The following MYH15 variants were observed in gnomAD, a reference collection of about 807,000 sequenced individuals.
The protein encoded by MYH15 is myosin-15.
A neutral mutation model predicts 240.5 loss-of-function variants in MYH15; 227 were observed. That is an observed-to-expected ratio of 0.94 (90% CI 0.85 to 1.05). The LOEUF is 1.05. Ranked by LOEUF, MYH15 falls within the 50% of genes least tolerant of loss-of-function variation. MYH15 has a pLI of 0.00. For synonymous variants in MYH15, 785 were observed against 796.7 expected (o/e 0.99, Z 0.25); for missense variants, 2,217 against 2,247.5 (o/e 0.99, Z 0.27).
chr3:108,396,988 G>A (rs2082466777), intron 35 of MYH15, among the ~76,000 whole-genome samples: 1 of 152,180 alleles, frequency 6.6e-6, no homozygotes, highest in East Asian at 1.9e-4. Context: ...CTAAATGCCA[G>A]TGGTATTTCC....
chr3:108,541,747 A>T, the MYH15 span, among the ~76,000 whole-genome samples: 1 of 152,046 alleles, frequency 6.6e-6, no homozygotes, highest in Non-Finnish European at 1.5e-5. Context: ...AAGATGAAAA[A>T]ACAATGTGTT....
chr3:108,403,225 T>C (rs1229353284), intron 33 of MYH15, among the ~76,000 whole-genome samples: 1 of 152,222 alleles, frequency 6.6e-6, no homozygotes, highest in African/African-American at 2.4e-5. Context: ...GTGGAAGACA[T>C]GGCTTGGCAG....
chr3:108,390,065 A>G (rs1396293021), intron 37 of MYH15, among the ~76,000 whole-genome samples: 2 of 152,158 alleles, frequency 1.3e-5, no homozygotes, highest in Admixed American at 1.3e-4. Flanking sequence ...GACACCTGCT[A>G]TATAGGAACC....
At chr3:108,384,402 C>T (rs1166326894) in intron 39 of MYH15, among the ~76,000 whole-genome samples, 2 of 152,134 alleles carry the variant, frequency 1.3e-5, no homozygotes, top group African/African-American at 4.8e-5. Flanking sequence ...AACTGGCCTT[C>T]CCTACGTGAC....
At chr3:108,464,083 C>T (rs1034301336) in intron 15 of MYH15, among the ~76,000 whole-genome samples, 7 of 152,012 alleles carry the variant, frequency 4.6e-5, no homozygotes, top group South Asian at 2.1e-4. Flanking sequence ...ATTTTTAGGT[C>T]GAAGTATTAT....
At chr3:108,440,305 G>C (rs900340466) in intron 23 of MYH15, among the ~76,000 whole-genome samples, 3 of 152,098 alleles carry the variant, frequency 2.0e-5, no homozygotes, top group Non-Finnish European at 4.4e-5. Context: ...ATTGTGTTGT[G>C]CCTCAGTATC....
At chr3:108,473,635 C>A (rs2083195518) in intron 12 of MYH15, among the ~76,000 whole-genome samples, 1 of 152,118 alleles carries the variant, frequency 6.6e-6, no homozygotes, top group African/African-American at 2.4e-5. Context: ...ATGAGATAAT[C>A]CATACAAAGC....
At chr3:108,384,836 G>A (rs1398490780) in intron 38 of MYH15, 54 bp from the exon 39 acceptor site, 21 of 1,478,228 alleles carry the variant, frequency 1.4e-5, no homozygotes, top group South Asian at 2.3e-5. Flanking sequence ...AGCAGTCTAC[G>A]TTGGTGTAGT....
chr3:108,427,606 CACACACACACA>C (rs1284317639), intron 27 of MYH15, among the ~76,000 whole-genome samples: 3 of 99,790 alleles, frequency 3.0e-5, no homozygotes, highest in African/African-American at 1.2e-4. Context: ...AAGACACACA[CACACACACACA>C]ACACACACAC....
chr3:108,398,797 T>A lies in MYH15; in HGVS notation c.4973A>T (p.Asp1658Val). The change falls in exon 35 of 41, where the codon GAT becomes GTT. Residue 1658 changes from aspartate to valine, a missense_variant. Asp to Val is a radical substitution (Grantham distance 152, BLOSUM62 -3). Transcript: ENST00000693548. ...QLDDSTQLNSDLKEQVAVAER... is the reference protein window; with the variant it reads ...QLDDSTQLNSVLKEQVAVAER... ...AGCCACAGCCACCTGCTCCTTCAGATCACTGTTCAGTTGTGTGCTGTCATC... is the reference window on the plus strand; with the variant it reads ...AGCCACAGCCACCTGCTCCTTCAGAACACTGTTCAGTTGTGTGCTGTCATC... 1.2e-6 allele frequency: 2 copies of A among 1,614,232 alleles called. No homozygotes were observed. The highest frequency in any genetic ancestry group is 2.2e-5 in the South Asian group (2 of 91,080).
intron 12 of MYH15, among the ~76,000 whole-genome samples, chr3:108,474,779 C>T (rs992650458): frequency 6.6e-5 from 10 of 152,124 alleles, no homozygotes; most frequent in African/African-American, 1.9e-4. Context: ...CAACTCTAAC[C>T]CCCTGCCAAG....
intron 25 of MYH15, among the ~76,000 whole-genome samples, chr3:108,434,762 G>C (rs1252268626): frequency 1.3e-5 from 2 of 152,068 alleles, no homozygotes; most frequent in Admixed American, 6.5e-5. Context: ...TGTTCCTCTA[G>C]AGTGGACACT....
At chr3:108,440,210 T>C (rs1278687674) in intron 23 of MYH15, among the ~76,000 whole-genome samples, 1 of 152,200 alleles carries the variant, frequency 6.6e-6, no homozygotes, top group Non-Finnish European at 1.5e-5. Context: ...CTAAATTGGA[T>C]GGCCAATTTA....
chr3:108,499,442 G>A lies in MYH15; in HGVS notation c.524+13C>T, dbSNP rs377687531. On this transcript the variant is annotated intron_variant, in intron 5 of 40. Transcript: ENST00000693548. The stretch of plus-strand genomic sequence containing the variant: ...ACTTCAGGCCAAAAAAGAAAAACAA[G>A]GCAAACACTTACGTGAAGAGTATAG... The A allele has an allele frequency of 3.7e-6, 6 of 1,612,260 alleles. No homozygotes were observed. The highest frequency in any genetic ancestry group is 5.1e-6 in the Non-Finnish European group (6 of 1,179,440).
At chr3:108,527,258 G>C (rs2083679768) in intron 1 of MYH15, among the ~76,000 whole-genome samples, 1 of 152,078 alleles carries the variant, frequency 6.6e-6, no homozygotes, top group African/African-American at 2.4e-5. Flanking sequence ...ATTCTGTTTA[G>C]CCACCAGGGA....
At chr3:108,447,965 A>G (rs2082942178) in intron 21 of MYH15, among the ~76,000 whole-genome samples, 1 of 152,154 alleles carries the variant, frequency 6.6e-6, no homozygotes, top group African/African-American at 2.4e-5. Context: ...ATAACATAAA[A>G]TGTGGGGACA....
chr3:108,497,204 A>G (rs2005415), intron 6 of MYH15, among the ~76,000 whole-genome samples: 29,339 of 146,872 alleles, frequency 0.2, 3,949 homozygotes, highest in Non-Finnish European at 0.3. Flanking sequence ...ATGATACCCA[A>G]AGAAATCAAT....
Position 108,381,380 on chromosome 3 carries a change from G to C in MYH15, c.*165C>G, listed in dbSNP as rs2107529674. 1.3e-6 allele frequency: 1 copy of C among 754,254 alleles called. No individual in the cohort carries two copies. Among genetic ancestry groups the C allele is most frequent in the Non-Finnish European group, 2.3e-6 (1 of 444,066 alleles). 46.7% of individuals were successfully genotyped at this position (754,254 alleles called of 1,614,324 possible). On this transcript the variant is annotated 3_prime_UTR_variant, in exon 41 of 41. Coordinates refer to ENST00000693548, the MANE Select transcript of MYH15 (RefSeq NM_014981.3). Reference sequence around the variant, plus strand: ...CAAAAAATCCCCATTAACTGTGGAAGCAATGATATTCCCTTTAATTATTTT... The same window carrying C: ...CAAAAAATCCCCATTAACTGTGGAACCAATGATATTCCCTTTAATTATTTT...
At chr3:108,490,410 G>A (rs920701561) in intron 9 of MYH15, among the ~76,000 whole-genome samples, 3 of 152,110 alleles carry the variant, frequency 2.0e-5, no homozygotes, top group African/African-American at 7.2e-5. Context: ...CACTTCTGTG[G>A]GAGCATTGTT....
Sources: gnomAD v4.1 joint callset for allele counts (sites outside exome capture counted in the v4.1 genomes callset) on GRCh38, gnomAD v4.1.1 for gene constraint, MANE v1.5 for transcripts, NCBI Gene and HGNC (gene_info 2026-07-23, HGNC 2026-07-21) for gene names.